Variants in PACSIN2 observed in about 807,000 individuals in gnomAD.
PACSIN2 encodes the protein protein kinase C and casein kinase substrate in neurons protein 2.
A neutral mutation model predicts 63.8 loss-of-function variants in PACSIN2; 25 were observed. The ratio of observed to expected loss-of-function variants is 0.39; its 90% CI spans 0.29 to 0.55. The LOEUF is 0.55. Among genes scored for constraint, PACSIN2 ranks in the 20% least tolerant of loss-of-function variants. The pLI, the probability that PACSIN2 is intolerant of heterozygous loss-of-function variation, is 0.62. For synonymous variants in PACSIN2, 255 were observed against 256.2 expected (o/e 1.00, Z 0.05); for missense variants, 518 against 646.9 (o/e 0.80, Z 2.16).
At position 42,950,924 on chromosome 22, in the gene PACSIN2, G is replaced by A. The variant is rs757239477; in HGVS notation, c.-77-38767C>T. On this transcript the variant is annotated intron_variant, in intron 1 of 10. Coordinates refer to ENST00000263246, the MANE Select transcript of PACSIN2 (RefSeq NM_001184970.3). ...AAGCCACACCAGTAGGTAATGTAGC[G>A]GCAGACAGCATTAAGGGCTGGGGGA... is the stretch of plus-strand genomic sequence containing the variant. 7.2e-5 allele frequency among the ~76,000 whole-genome samples: 11 copies of A among 152,198 alleles called. No individual in the cohort carries two copies. In the South Asian group the frequency reaches 1.2e-3, roughly 17 times the overall value.
chr22:43,009,865 A>AT lies in PACSIN2; in HGVS notation c.-78+5155dup, dbSNP rs898985902. Among the ~76,000 whole-genome samples, 313 of 75,614 alleles carry AT rather than the reference A, an allele frequency of 4.1e-3. 5 individuals carry two copies. The highest frequency in any genetic ancestry group is 5.9e-3 in the South Asian group (13 of 2,188). 49.6% of individuals were successfully genotyped at this position (75,614 alleles called of 152,430 possible). A position where few individuals can be genotyped will look rare whatever the true frequency, so the allele number is the denominator to read the frequency against. On this transcript the variant is annotated intron_variant, in intron 1 of 10. Transcript: ENST00000263246. ...GTTGAGACATCATTTTATTTTTTCTATTTTTTTTTTTTTTTTTTTTTGAGA... is the reference window on the plus strand; with the variant it reads ...GTTGAGACATCATTTTATTTTTTCTATTTTTTTTTTTTTTTTTTTTTTGAGA...
In PACSIN2 at chr22:42,943,348, A is replaced by G. The variant is rs77632364; in HGVS notation, c.-77-31191T>C. Among the ~76,000 whole-genome samples, 404 of 152,256 alleles carry G rather than the reference A, an allele frequency of 2.7e-3. 2 individuals carry two copies. Among genetic ancestry groups the G allele is most frequent in the African/African-American group, 9.3e-3 (386 of 41,544 alleles). Reference sequence around the variant, plus strand: ...GCCATCTTTGAACAGAGAGTGTTTTACCTTTTCCTTTCCAATCTGTATGCC... The same window carrying G: ...GCCATCTTTGAACAGAGAGTGTTTTGCCTTTTCCTTTCCAATCTGTATGCC... On this transcript the variant is annotated intron_variant, in intron 1 of 10. Transcript: ENST00000263246.
rs111678739 is a variant in PACSIN2, at chr22:42,871,861, C to T, written c.1349-392G>A. On this transcript the variant is annotated intron_variant, in intron 10 of 10. Coordinates refer to ENST00000263246, the MANE Select transcript of PACSIN2 (RefSeq NM_001184970.3). The surrounding 1 kb of genome is among the most constrained non-coding windows in gnomAD (Gnocchi z 5.4). ...TCTGTCCCCTCCCCAGGGCCCCGGC[C>T]GCCTTGCTCCCAGCAGCTGTCTCTG... 1.3e-5 allele frequency among the ~76,000 whole-genome samples: 2 copies of T among 150,102 alleles called. No homozygotes were observed. The highest frequency in any genetic ancestry group is 2.4e-5 in the African/African-American group (1 of 41,382).
At position 42,870,252 on chromosome 22, in the gene PACSIN2, G is replaced by C. The variant is rs1411287833; in HGVS notation, c.*1105C>G. ...CCAGGACAAAGGCCGGTCAGAAGCCGGACCAGCAGTCAGCTGGTGACGACG... is the reference window on the plus strand; with the variant it reads ...CCAGGACAAAGGCCGGTCAGAAGCCCGACCAGCAGTCAGCTGGTGACGACG... On this transcript the variant is annotated 3_prime_UTR_variant, in exon 11 of 11. Transcript: ENST00000263246. 6.6e-6 allele frequency: 1 copy of C among 152,208 alleles called. No homozygotes were observed. The highest frequency in any genetic ancestry group is 1.9e-4 in the East Asian group (1 of 5,194). 9.4% of individuals were successfully genotyped at this position (152,208 alleles called of 1,614,324 possible). A position where few individuals can be genotyped will look rare whatever the true frequency, so the allele number is the denominator to read the frequency against.
chr22:42,930,247 T>C, intron 1 of PACSIN2, among the ~76,000 whole-genome samples: 1 of 152,190 alleles, frequency 6.6e-6, no homozygotes, highest in East Asian at 1.9e-4. Flanking sequence ...TAAGCCACTA[T>C]TATTTTGAGG....
At chr22:42,988,099 T>C (rs890716199) in intron 1 of PACSIN2, among the ~76,000 whole-genome samples, 1 of 152,106 alleles carries the variant, frequency 6.6e-6, no homozygotes, top group African/African-American at 2.4e-5. Context: ...ATCGCACCAC[T>C]GCACCCCAGC....
chr22:43,012,154 A>AATACATAC (rs71311476), intron 1 of PACSIN2, among the ~76,000 whole-genome samples: 2,795 of 133,974 alleles, frequency 0.021, 45 homozygotes, highest in East Asian at 0.068. Flanking sequence ...AAAATAAATA[A>AATACATAC]ATACATACAT....
At chr22:42,961,701 G>A (rs537270489) in intron 1 of PACSIN2, among the ~76,000 whole-genome samples, 24 of 152,114 alleles carry the variant, frequency 1.6e-4, no homozygotes, top group African/African-American at 5.5e-4. Flanking sequence ...TGACCCCAGG[G>A]AGCAGAGGTT....
At chr22:42,947,812 C>G (rs1217877198) in intron 1 of PACSIN2, among the ~76,000 whole-genome samples, 1 of 152,218 alleles carries the variant, frequency 6.6e-6, no homozygotes, top group Non-Finnish European at 1.5e-5. Flanking sequence ...CGGCTGGGAC[C>G]TGGCACAGTG....
intron 2 of PACSIN2, among the ~76,000 whole-genome samples, chr22:42,911,407 TAAAAAAA>T (rs75497964): frequency 1.8e-5 from 2 of 111,470 alleles, no homozygotes; most frequent in Non-Finnish European, 3.8e-5. Flanking sequence ...CCTCAACTGT[TAAAAAAA>T]AAAAAAAAAA....
intron 1 of PACSIN2, among the ~76,000 whole-genome samples, chr22:42,950,147 T>C (rs12484638): frequency 0.021 from 3,127 of 152,288 alleles, 185 homozygotes; most frequent in East Asian, 0.19. Context: ...CTTGTCATTA[T>C]TCCCTAAACA....
intron 1 of PACSIN2, among the ~76,000 whole-genome samples, chr22:43,005,950 T>C (rs1025116834): frequency 6.6e-6 from 1 of 152,092 alleles, no homozygotes; most frequent in African/African-American, 2.4e-5. Context: ...CTAGTGTCCT[T>C]ACAATTTTTT....
At chr22:42,992,299 T>G (rs1923095412) in intron 1 of PACSIN2, among the ~76,000 whole-genome samples, 1 of 152,282 alleles carries the variant, frequency 6.6e-6, no homozygotes, top group South Asian at 2.1e-4. Flanking sequence ...GTGGGGGAAC[T>G]AGAACCCAGT....
rs1928080028 is a variant in PACSIN2, at chr22:42,871,167, C to T, written c.*190G>A. ...TTCTGCGTCTTCCTGCGCTCAGATC[C>T]CTCCAGCTGCACTCGGAAAGGTGCC... On this transcript the variant is annotated 3_prime_UTR_variant, in exon 11 of 11. Coordinates refer to ENST00000263246, the MANE Select transcript of PACSIN2 (RefSeq NM_001184970.3). This position sits in a 1 kb window ranked among gnomAD's most constrained non-coding sequence, Gnocchi z 5.4. 1.7e-6 allele frequency: 1 copy of T among 605,826 alleles called. No homozygotes were observed. The highest frequency in any genetic ancestry group is 3.0e-6 in the Non-Finnish European group (1 of 337,310). The allele number at this position is 605,826 out of a possible 1,614,324, so 37.5% of individuals were successfully genotyped here.
intron 1 of PACSIN2, among the ~76,000 whole-genome samples, chr22:42,991,878 A>G (rs1923071881): frequency 6.6e-6 from 1 of 151,990 alleles, no homozygotes; most frequent in Non-Finnish European, 1.5e-5. Flanking sequence ...AAAATGGATC[A>G]CAGGCCTAAA....
intron 1 of PACSIN2, among the ~76,000 whole-genome samples, chr22:42,915,162 C>T (rs767069627): frequency 1.3e-5 from 2 of 152,170 alleles, no homozygotes; most frequent in African/African-American, 4.8e-5. Flanking sequence ...GCCACCACAC[C>T]GGGCCTAAGA....
intron 9 of PACSIN2, 64 bp downstream of exon 9, chr22:42,876,824 C>T (rs1269451763): frequency 2.6e-6 from 4 of 1,565,736 alleles, no homozygotes; most frequent in Non-Finnish European, 3.5e-6. Flanking sequence ...GACCCCTGGA[C>T]AGAGAGAGAG....
chr22:42,894,667 G>A (rs1342717388), intron 2 of PACSIN2, among the ~76,000 whole-genome samples: 1 of 152,224 alleles, frequency 6.6e-6, no homozygotes, highest in Non-Finnish European at 1.5e-5. Context: ...AAAGTTATAA[G>A]TAATAAAAGA....
chr22:42,896,721 A>G (rs916497325), intron 2 of PACSIN2, among the ~76,000 whole-genome samples: 6 of 152,236 alleles, frequency 3.9e-5, no homozygotes, highest in African/African-American at 1.4e-4. Flanking sequence ...ACAGCTGTGC[A>G]CTGCCATCAG....
Sources: gnomAD v4.1 joint callset for allele counts (sites outside exome capture counted in the v4.1 genomes callset) on GRCh38, gnomAD v4.1.1 for gene constraint, Gnocchi (gnomAD v3.1) non-coding constraint, MANE v1.5 for transcripts, NCBI Gene and HGNC (gene_info 2026-07-23, HGNC 2026-07-21) for gene names.